The following TLL1 variants were observed in gnomAD, a reference collection of about 807,000 sequenced individuals.
TLL1 encodes the protein tolloid-like protein 1.
Under a neutral mutation model 128.2 loss-of-function variants are expected in TLL1, and 49 were observed. That is an observed-to-expected ratio of 0.38 (90% CI 0.30 to 0.48). The LOEUF is 0.48. TLL1 is among the 20% of genes least tolerant of loss of function. TLL1 has a pLI of 0.96. For synonymous variants in TLL1, 454 were observed against 418.8 expected, an observed-to-expected ratio of 1.08 and a Z score of -1.03; for missense variants, 1,123 against 1,242.0, an observed-to-expected ratio of 0.90 and a Z score of 1.44.
At chr4:166,081,965 C>T (rs1021616898) in intron 18 of TLL1, among the ~76,000 whole-genome samples, 4 of 152,084 alleles carry the variant, frequency 2.6e-5, no homozygotes, top group African/African-American at 7.2e-5. Flanking sequence ...ATTTATTTTT[C>T]TTGCCAATAT....
At position 166,060,037 on chromosome 4, in the gene TLL1, G is replaced by A. The variant is rs761382477; in HGVS notation, c.1856G>A (p.Gly619Asp). ...TTTTCTTTTCTTCTAGCTGCTTGTG[G>A]TGGACTTCTTACCAAACTTAACGGC... is the stretch of plus-strand genomic sequence containing the variant. ...PDRRSCEAAC[G>D]GLLTKLNGTI... The change falls in exon 15 of 21, where the codon GGT (glycine) becomes GAT (aspartate). Residue 619 changes from glycine to aspartate, a missense_variant. By Grantham distance (94) the Gly-to-Asp change is moderately conservative (BLOSUM62 -1). Around this residue, in one of 3 missense-constraint regions of TLL1, gnomAD observed 634 missense variants for 672.4 expected, o/e 0.94. Transcript: ENST00000061240. 7 of 1,613,546 alleles carry A rather than the reference G, an allele frequency of 4.3e-6. No homozygotes were observed. The highest frequency in any genetic ancestry group is 5.1e-6 in the Non-Finnish European group (6 of 1,179,798).
At chr4:165,882,567 G>A (rs1731008074) in intron 1 of TLL1, among the ~76,000 whole-genome samples, 1 of 152,074 alleles carries the variant, frequency 6.6e-6, no homozygotes, top group East Asian at 1.9e-4. Context: ...TTGGTATCTG[G>A]AACGGGTAAA....
Position 166,060,074 on chromosome 4 carries a change from C to A in TLL1, c.1893C>A (p.Thr631=). The change falls in exon 15 of 21, where the codon ACC becomes ACA. Residue 631 remains threonine, a synonymous_variant. Transcript: ENST00000061240. ...LLTKLNGTIT[T]PGWPKEYPPN... is the part of the protein sequence containing the mutation. ...CCAAACTTAACGGCACCATAACCAC[C>A]CCTGGCTGGCCCAAGGAGTACCCTC... is the stretch of plus-strand genomic sequence containing the variant. 5.0e-6 allele frequency: 8 copies of A among 1,613,624 alleles called. No homozygotes were observed. Among genetic ancestry groups the A allele is most frequent in the Non-Finnish European group, 5.9e-6 (7 of 1,179,842 alleles).
At chr4:165,976,159 A>C (rs1406090016) in intron 1 of TLL1, among the ~76,000 whole-genome samples, 2 of 152,146 alleles carry the variant, frequency 1.3e-5, no homozygotes, top group East Asian at 3.9e-4. Context: ...AGAGCAACTG[A>C]AAAGAATGAA....
chr4:166,020,149 A>G (rs1278767843), intron 8 of TLL1, among the ~76,000 whole-genome samples: 1 of 151,918 alleles, frequency 6.6e-6, no homozygotes, highest in Non-Finnish European at 1.5e-5. Context: ...CGTAGCCACA[A>G]GCAGGTGGGA....
intron 18 of TLL1, among the ~76,000 whole-genome samples, chr4:166,084,913 T>G (rs543611111): frequency 1.1e-4 from 14 of 129,788 alleles, no homozygotes; most frequent in African/African-American, 3.7e-4. Flanking sequence ...CATTTTAGTG[T>G]TTTTTTTTCT....
intron 1 of TLL1, among the ~76,000 whole-genome samples, chr4:165,975,193 C>G (rs1560784093): frequency 6.6e-6 from 1 of 152,126 alleles, no homozygotes; most frequent in Admixed American, 6.5e-5. Flanking sequence ...GAGCTGACAG[C>G]TGAAGTCTTT....
intron 1 of TLL1, among the ~76,000 whole-genome samples, chr4:165,952,202 T>G (rs1734557548): frequency 6.6e-6 from 1 of 152,176 alleles, no homozygotes; most frequent in Non-Finnish European, 1.5e-5. Context: ...AATGATGCTC[T>G]TCTAAATCTG....
intron 1 of TLL1, among the ~76,000 whole-genome samples, chr4:165,939,748 A>G (rs1315580838): frequency 6.6e-6 from 1 of 151,104 alleles, no homozygotes; most frequent in East Asian, 1.9e-4. Context: ...TAGTGTCTAG[A>G]TTTTGGTTTC....
At chr4:166,029,964 T>G (rs1579646579) in intron 9 of TLL1, among the ~76,000 whole-genome samples, 1 of 152,134 alleles carries the variant, frequency 6.6e-6, no homozygotes. Context: ...ATTGCAAATA[T>G]CTCTCAGAGA....
intron 12 of TLL1, among the ~76,000 whole-genome samples, chr4:166,052,660 A>G (rs192275440): frequency 6.6e-6 from 1 of 152,046 alleles, no homozygotes; most frequent in Admixed American, 6.6e-5. Flanking sequence ...TGTATTCTCA[A>G]TTCTTGTGGT....
intron 1 of TLL1, among the ~76,000 whole-genome samples, chr4:165,986,940 A>C (rs913853597): frequency 6.6e-6 from 1 of 152,170 alleles, no homozygotes; most frequent in East Asian, 1.9e-4. Context: ...CATCTGACTC[A>C]AAGAAGAGTG....
chr4:166,036,860 T>C (rs1008451951), intron 9 of TLL1, among the ~76,000 whole-genome samples: 6 of 151,838 alleles, frequency 4.0e-5, no homozygotes, highest in African/African-American at 1.2e-4. Context: ...ACTATTTCTT[T>C]GCAATCCAAA....
At chr4:166,060,540 A>T (rs1004552313) in intron 15 of TLL1, among the ~76,000 whole-genome samples, 2 of 152,216 alleles carry the variant, frequency 1.3e-5, no homozygotes, top group Admixed American at 1.3e-4. Context: ...CATAACAAAA[A>T]TATCATTTGG....
chr4:166,059,107 T>A (rs745323082), intron 14 of TLL1, among the ~76,000 whole-genome samples: 5 of 152,120 alleles, frequency 3.3e-5, no homozygotes, highest in Non-Finnish European at 7.4e-5. Flanking sequence ...GTGGAGCAAC[T>A]AGAAATACTT....
intron 5 of TLL1, 137 bp from the exon 6 acceptor site, chr4:166,003,254 T>C: frequency 1.2e-6 from 1 of 803,912 alleles, no homozygotes. Flanking sequence ...TAGTCATATG[T>C]AGTAATAAGA....
intron 1 of TLL1, among the ~76,000 whole-genome samples, chr4:165,979,543 A>G (rs1424822542): frequency 6.6e-6 from 1 of 152,172 alleles, no homozygotes; most frequent in Non-Finnish European, 1.5e-5. Context: ...TATTTGTGAT[A>G]CTGGTTACTC....
intron 6 of TLL1, among the ~76,000 whole-genome samples, chr4:166,006,750 G>A (rs1737452699): frequency 6.6e-6 from 1 of 151,648 alleles, no homozygotes; most frequent in Admixed American, 6.6e-5. Flanking sequence ...TTTAAATTAT[G>A]TATTGTGTAA....
intron 10 of TLL1, among the ~76,000 whole-genome samples, chr4:166,041,505 T>C (rs950396611): frequency 2.6e-5 from 4 of 152,032 alleles, no homozygotes; most frequent in Admixed American, 2.0e-4. Context: ...TTCACCATAT[T>C]GTCCAAGATG....
Sources: allele counts gnomAD v4.1 joint callset (sites outside exome capture counted in the v4.1 genomes callset), GRCh38; gene constraint gnomAD v4.1.1; regional missense constraint gnomAD v4.1.1; transcripts MANE v1.5; gene names NCBI Gene and HGNC (gene_info 2026-07-23, HGNC 2026-07-21).